The following LMO7 variants were observed in gnomAD, a reference collection of about 807,000 sequenced individuals.
LMO7 encodes LIM domain only protein 7.
A neutral mutation model predicts 206.5 loss-of-function variants in LMO7; 120 were observed. That is an observed-to-expected ratio of 0.58 (90% confidence interval 0.50 to 0.68). The LOEUF (loss-of-function observed/expected upper bound fraction) is 0.68, where lower values mean the gene tolerates loss of function less well. Among genes scored for constraint, LMO7 ranks in the 30% least tolerant of loss-of-function variants. LMO7 has a pLI of 0.00. For synonymous variants in LMO7, 706 were observed against 681.5 expected (o/e 1.04, Z -0.56); for missense variants, 1,959 against 1,957.9 (o/e 1.00, Z -0.01).
chr13:75,678,070 CTT>C (rs1354843395), intron 1 of LMO7, among the ~76,000 whole-genome samples: 1 of 152,058 alleles, frequency 6.6e-6, no homozygotes, highest in African/African-American at 2.4e-5. Flanking sequence ...GGTTCCAAGT[CTT>C]TGCTATTGTG....
chr13:75,781,237 A>C, intron 4 of LMO7, among the ~76,000 whole-genome samples: 2 of 144,080 alleles, frequency 1.4e-5, no homozygotes, highest in Admixed American at 6.9e-5. Context: ...CTAACTCGTC[A>C]TCTAGCATTA....
Position 75,817,148 on chromosome 13 carries a change from CTT to C in LMO7, c.1947-9_1947-8del. 1.3e-6 allele frequency: 2 copies of C among 1,592,830 alleles called. No homozygotes were observed. The highest frequency in any genetic ancestry group is 1.7e-6 in the Non-Finnish European group (2 of 1,161,632). On this transcript the variant is annotated splice_polypyrimidine_tract_variant and intron_variant, in intron 11 of 30. Coordinates refer to ENST00000377534, the MANE Select transcript of LMO7 (RefSeq NM_001306080.2). Reference sequence around the variant, plus strand: ...GTGAACTTCCGTAGTAACCATGAGTCTTTTTGTTGTAGGAGTAAGTCCATGAG... The same window carrying C: ...GTGAACTTCCGTAGTAACCATGAGTCTTTGTTGTAGGAGTAAGTCCATGAG...
chr13:75,710,708 TG>T, intron 1 of LMO7, among the ~76,000 whole-genome samples: 1 of 142,940 alleles, frequency 7.0e-6, no homozygotes, highest in South Asian at 2.3e-4. Flanking sequence ...GCTGAGATGA[TG>T]GGGTTTTCTA....
At chr13:75,637,026 T>G (rs921370142) in intron 1 of LMO7, among the ~76,000 whole-genome samples, 11 of 152,184 alleles carry the variant, frequency 7.2e-5, no homozygotes, top group African/African-American at 2.7e-4. Flanking sequence ...AGCAGCGCAG[T>G]CCGCCCTGGC....
intron 3 of LMO7, among the ~76,000 whole-genome samples, chr13:75,729,058 C>T (rs184844672): frequency 2.0e-4 from 31 of 152,142 alleles, no homozygotes; most frequent in South Asian, 1.7e-3. Context: ...GGTCAGGTAG[C>T]GTGATGCCTC....
chr13:75,648,271 C>G (rs771189626), intron 1 of LMO7, among the ~76,000 whole-genome samples: 1 of 152,100 alleles, frequency 6.6e-6, no homozygotes, highest in Non-Finnish European at 1.5e-5. Flanking sequence ...ATGATTGTTT[C>G]TAGCTGTTAC....
intron 3 of LMO7, among the ~76,000 whole-genome samples, chr13:75,735,549 C>T (rs2045735172): frequency 6.6e-6 from 1 of 152,022 alleles, no homozygotes; most frequent in Non-Finnish European, 1.5e-5. Flanking sequence ...GCAAACTCCG[C>T]CTTCTGGGTT....
At chr13:75,735,682 G>T (rs543723900) in intron 3 of LMO7, among the ~76,000 whole-genome samples, 1 of 151,144 alleles carries the variant, frequency 6.6e-6, no homozygotes, top group Admixed American at 6.6e-5. Flanking sequence ...CACCACGTTG[G>T]CCCGGGTAGT....
rs114113979 is a variant in LMO7 at position 75,820,668 on chromosome 13, A to G, written c.2208-509A>G. 7.3e-3 allele frequency among the ~76,000 whole-genome samples: 1,113 copies of G among 152,318 alleles called. 19 individuals are homozygous for G. The highest frequency in any genetic ancestry group is 0.026 in the African/African-American group (1,062 of 41,564). On this transcript the variant is annotated intron_variant, in intron 13 of 30. Coordinates refer to ENST00000377534, the MANE Select transcript of LMO7 (RefSeq NM_001306080.2). ...CCATTTTAATTAAAGAAGTCAAGTT[A>G]TTATTCTTTCTTAGTTGGGACATTA...
chr13:75,739,519 A>T (rs947774682), intron 3 of LMO7, among the ~76,000 whole-genome samples: 1 of 152,212 alleles, frequency 6.6e-6, no homozygotes, highest in South Asian at 2.1e-4. Context: ...ATGGCAAGGG[A>T]AATAAATAAA....
chr13:75,714,470 G>A (rs2043361744), intron 2 of LMO7, among the ~76,000 whole-genome samples: 1 of 152,082 alleles, frequency 6.6e-6, no homozygotes, highest in Non-Finnish European at 1.5e-5. Flanking sequence ...TTTGTCTTAA[G>A]GTGATATTAT....
chr13:75,644,901 G>T (rs1264813766), intron 1 of LMO7, among the ~76,000 whole-genome samples: 1 of 152,142 alleles, frequency 6.6e-6, no homozygotes, highest in East Asian at 1.9e-4. Flanking sequence ...CAACCTGTTG[G>T]GATTACAGGT....
At chr13:75,770,897 G>A (rs555457751) in intron 4 of LMO7, among the ~76,000 whole-genome samples, 1 of 152,194 alleles carries the variant, frequency 6.6e-6, no homozygotes, top group East Asian at 1.9e-4. Flanking sequence ...CAGTAATGAA[G>A]CTAGGTTTTT....
chr13:75,817,697 G>T (rs184308499), intron 12 of LMO7, among the ~76,000 whole-genome samples: 4 of 152,250 alleles, frequency 2.6e-5, no homozygotes, highest in South Asian at 2.1e-4. Flanking sequence ...GATGAAAAGG[G>T]TTAGTAATTA....
chr13:75,803,235 TC>T (rs1177550580), intron 7 of LMO7, among the ~76,000 whole-genome samples: 1 of 152,184 alleles, frequency 6.6e-6, no homozygotes, highest in African/African-American at 2.4e-5. Flanking sequence ...TTAAGCGACT[TC>T]CTGTAGACTG....
chr13:75,704,405 G>A (rs2042505872), intron 1 of LMO7, among the ~76,000 whole-genome samples: 1 of 152,154 alleles, frequency 6.6e-6, no homozygotes, highest in African/African-American at 2.4e-5. Context: ...TCATGACCTA[G>A]TAGCTGATCT....
intron 3 of LMO7, among the ~76,000 whole-genome samples, chr13:75,735,119 G>A (rs1457060526): frequency 3.9e-5 from 2 of 51,536 alleles, no homozygotes; most frequent in South Asian, 1.1e-3. Flanking sequence ...AAAATTACGT[G>A]TGTGTGTGTG....
In LMO7 at chr13:75,655,637, TTATATATATATA is replaced by T. The variant is rs67966172; in HGVS notation, c.69+18953_69+18964del. 1.8e-3 allele frequency among the ~76,000 whole-genome samples: 239 copies of T among 134,676 alleles called. 1 individual carries two copies. Among genetic ancestry groups the T allele is most frequent in the Middle Eastern group, 3.9e-3 (1 of 258 alleles). 88.4% of individuals were successfully genotyped at this position (134,676 alleles called of 152,430 possible). A position where few individuals can be genotyped will look rare whatever the true frequency, so the allele number is the denominator to read the frequency against. On this transcript the variant is annotated intron_variant, in intron 1 of 30. Coordinates refer to ENST00000377534, the MANE Select transcript of LMO7 (RefSeq NM_001306080.2). ...TGCTGAATATTTTTGTTCATGGATT[TTATATATATATA>T]TATATATATATATATATATATATAT...
chr13:75,732,272 T>C (rs1433553528), intron 3 of LMO7, among the ~76,000 whole-genome samples: 1 of 152,214 alleles, frequency 6.6e-6, no homozygotes. Context: ...CAGTCAGACA[T>C]AGATTTGGTC....
Sources: allele counts gnomAD v4.1 joint callset (sites outside exome capture counted in the v4.1 genomes callset), GRCh38; gene constraint gnomAD v4.1.1; transcripts MANE v1.5; gene names NCBI Gene and HGNC (gene_info 2026-07-23, HGNC 2026-07-21).